The following GCSAML variants were observed in gnomAD, a reference collection of about 807,000 sequenced individuals.
GCSAML encodes the protein germinal center-associated signaling and motility-like protein.
GCSAML carries 9 observed loss-of-function variants against 13.0 expected under a neutral mutation model. The ratio of observed to expected loss-of-function variants is 0.69; its 90% confidence interval spans 0.42 to 1.21. The LOEUF (loss-of-function observed/expected upper bound fraction) is 1.21, where lower values mean the gene tolerates loss of function less well. Among genes scored for constraint, GCSAML ranks in the 50% most tolerant of loss-of-function variants. GCSAML has a pLI of 0.00. For synonymous variants in GCSAML, 37 were observed against 52.9 expected, an observed-to-expected ratio of 0.70 and a Z score of 1.31; for missense variants, 143 against 153.4, an observed-to-expected ratio of 0.93 and a Z score of 0.36.
Position 247,532,841 on chromosome 1 carries a change from C to T in GCSAML, c.-148+5787C>T, listed in dbSNP as rs1438477124. On this transcript the variant is annotated intron_variant, in intron 2 of 5. Transcript: ENST00000366489. ...GGATGGCATTGCATTACCTTCCTCA[C>T]GGCCAACTTGGACTGTATAATAAAA... 2.8e-5 allele frequency among the ~76,000 whole-genome samples: 4 copies of T among 145,332 alleles called. No individual in the cohort carries two copies. In the East Asian group the frequency reaches 6.2e-4, roughly 22 times the overall value.
In GCSAML at chr1:247,526,645, C is replaced by T; in HGVS notation, c.-262-295C>T. On this transcript the variant is annotated intron_variant, in intron 1 of 5. Transcript: ENST00000366489. This position sits in a 1 kb window ranked among gnomAD's most constrained non-coding sequence, Gnocchi z 4.8. ...GGTGATGCATGACCCTCACAGTGTG[C>T]AGCATGGGAGGAAACCCATACATGA... is the stretch of plus-strand genomic sequence containing the variant. 3.2e-6 allele frequency: 1 copy of T among 308,508 alleles called. No homozygotes were observed. The highest frequency in any genetic ancestry group is 6.3e-6 in the Non-Finnish European group (1 of 159,078). The allele number at this position is 308,508 out of a possible 1,614,324, so 19.1% of individuals were successfully genotyped here. A position where few individuals can be genotyped will look rare whatever the true frequency, so the allele number is the denominator to read the frequency against.
upstream of GCSAML, among the ~76,000 whole-genome samples, chr1:247,547,382 C>T (rs1376903034): frequency 6.6e-6 from 1 of 152,080 alleles, no homozygotes; most frequent in Non-Finnish European, 1.5e-5. Flanking sequence ...GTTTACCAGA[C>T]CAATTTATGC....
At chr1:247,560,114 A>C (rs954853314) in intron 2 of GCSAML, among the ~76,000 whole-genome samples, 3 of 152,216 alleles carry the variant, frequency 2.0e-5, no homozygotes, top group African/African-American at 7.2e-5. Flanking sequence ...CACTGTATTT[A>C]AGAGAGAGTG....
At chr1:247,532,874 T>G (rs12730898) in intron 2 of GCSAML, among the ~76,000 whole-genome samples, 28,275 of 138,872 alleles carry the variant, frequency 0.2, 2,829 homozygotes, top group South Asian at 0.31. Context: ...AAAGACTGGG[T>G]GGGGGGTGTT....
chr1:247,532,555 C>T (rs754490526), intron 2 of GCSAML: 3 of 1,561,848 alleles, frequency 1.9e-6, no homozygotes, highest in Non-Finnish European at 2.6e-6. Flanking sequence ...GGGAAGAGCA[C>T]AGGGCATACA....
rs138547681 is a variant in GCSAML at position 247,549,146 on chromosome 1, A to G, written c.-46A>G. 1.2e-6 allele frequency: 2 copies of G among 1,614,088 alleles called. No individual in the cohort carries two copies. The highest frequency in any genetic ancestry group is 1.3e-5 in the African/African-American group (1 of 75,036). On this transcript the variant is annotated 5_prime_UTR_variant, in exon 1 of 5. Transcript: ENST00000366488. ...TGGTGCTTTGGTCAGAACTTCCCCA[A>G]GTGGAGTGAAACTCAGGAGCTGAGA...
chr1:247,513,989 C>CT (rs1221778073), intron 1 of GCSAML, among the ~76,000 whole-genome samples: 70 of 148,368 alleles, frequency 4.7e-4, no homozygotes, highest in South Asian at 1.5e-3. Flanking sequence ...CCCCCACCGC[C>CT]TTTTTTTTTT....
rs1668869944 is a variant in GCSAML at position 247,577,236 on chromosome 1, G to A, written c.*2854G>A. The A allele has an allele frequency of 6.6e-6, 1 of 152,096 alleles. No homozygotes were observed. The highest frequency in any genetic ancestry group is 1.5e-5 in the Non-Finnish European group (1 of 68,026). The allele number at this position is 152,096 out of a possible 1,614,324, so 9.4% of individuals were successfully genotyped here. A position where few individuals can be genotyped will look rare whatever the true frequency, so the allele number is the denominator to read the frequency against. On this transcript the variant is annotated 3_prime_UTR_variant, in exon 5 of 5. Transcript: ENST00000366488. ...TATATTTTTAATCAGTTTTACTCAA[G>A]TGTGATTATATACAAGAAAATGTAA...
chr1:247,531,464 A>C, intron 2 of GCSAML: 3 of 1,397,104 alleles, frequency 2.1e-6, no homozygotes, highest in Non-Finnish European at 2.9e-6. Context: ...TATTAGAAGA[A>C]AAACGACATC....
At chr1:247,541,209 A>G (rs1314769174) in intron 2 of GCSAML, among the ~76,000 whole-genome samples, 1 of 152,152 alleles carries the variant, frequency 6.6e-6, no homozygotes, top group Non-Finnish European at 1.5e-5. Flanking sequence ...TGAAGCTATT[A>G]AAACAACAAG....
At chr1:247,511,811 C>T (rs1307417979) in intron 1 of GCSAML, among the ~76,000 whole-genome samples, 2 of 152,166 alleles carry the variant, frequency 1.3e-5, no homozygotes, top group Non-Finnish European at 2.9e-5. Context: ...AAACTCATTT[C>T]TTTAAGAATG....
At chr1:247,570,629 T>C (rs1374431868) in intron 4 of GCSAML, among the ~76,000 whole-genome samples, 3 of 152,196 alleles carry the variant, frequency 2.0e-5, no homozygotes, top group Non-Finnish European at 4.4e-5. Context: ...TACTTCCAAA[T>C]ATGTGGTTGA....
chr1:247,531,620 C>A (rs767734346), intron 2 of GCSAML: 1 of 1,614,160 alleles, frequency 6.2e-7, no homozygotes. Flanking sequence ...GCGCTCTTCA[C>A]CTCCGTGTTC....
rs888409030 is a variant in GCSAML, at chr1:247,577,626, A to T, written c.*3244A>T. On this transcript the variant is annotated 3_prime_UTR_variant, in exon 5 of 5. Transcript: ENST00000366488. ...ATCTAATCACTGATGGATATGTAGG[A>T]TATTTAAGTTTTTGACATTATGAAT... The T allele has an allele frequency of 6.6e-6, 1 of 152,188 alleles. No homozygotes were observed. Among genetic ancestry groups the T allele is most frequent in the African/African-American group, 2.4e-5 (1 of 41,452 alleles). 9.4% of individuals were successfully genotyped at this position (152,188 alleles called of 1,614,324 possible).
At chr1:247,564,382 TAA>T (rs10701220) in intron 3 of GCSAML, among the ~76,000 whole-genome samples, 34 of 130,840 alleles carry the variant, frequency 2.6e-4, no homozygotes, top group African/African-American at 4.5e-4. Flanking sequence ...GAGCCTGTCT[TAA>T]AAAAAAAAAA....
rs563227289 is a variant in GCSAML, at chr1:247,575,561, G to T, written c.*1179G>T. The T allele has an allele frequency of 6.6e-6, 1 of 152,158 alleles. No individual in the cohort carries two copies. The highest frequency in any genetic ancestry group is 1.9e-4 in the East Asian group (1 of 5,176). 9.4% of individuals were successfully genotyped at this position (152,158 alleles called of 1,614,324 possible). On this transcript the variant is annotated 3_prime_UTR_variant, in exon 5 of 5. Transcript: ENST00000366488. ...TTTTGCATATAAACTTGCAGTAATA[G>T]TTCAAAAATTAATAGTTTTTGACAT...
intron 2 of GCSAML, chr1:247,531,685 G>C (rs764218035): frequency 3.1e-6 from 5 of 1,614,062 alleles, no homozygotes; most frequent in African/African-American, 2.7e-5. Context: ...GTAGAACAGA[G>C]CTATGAACTT....
chr1:247,517,717 C>G (rs1340750234), intron 1 of GCSAML, among the ~76,000 whole-genome samples: 1 of 152,114 alleles, frequency 6.6e-6, no homozygotes, highest in African/African-American at 2.4e-5. Flanking sequence ...CCCTTCAGTG[C>G]TAGATAACCA....
intron 1 of GCSAML, among the ~76,000 whole-genome samples, chr1:247,518,882 G>C (rs1368181692): frequency 6.6e-6 from 1 of 152,082 alleles, no homozygotes; most frequent in East Asian, 1.9e-4. Context: ...CTAGTTACTT[G>C]GGAGGCTGAA....
Sources: allele counts gnomAD v4.1 joint callset (sites outside exome capture counted in the v4.1 genomes callset), GRCh38; gene constraint gnomAD v4.1.1; non-coding constraint Gnocchi (gnomAD v3.1); transcripts MANE v1.5; gene names NCBI Gene and HGNC (gene_info 2026-07-23, HGNC 2026-07-21).